NRXN3: variants seen among roughly 807,000 people sequenced by gnomAD.
The protein encoded by NRXN3 is neurexin III.
A neutral mutation model predicts 137.6 loss-of-function variants in NRXN3; 32 were observed. The ratio of observed to expected loss-of-function variants is 0.23; its 90% CI spans 0.18 to 0.31. NRXN3 has a LOEUF of 0.31. Among genes scored for constraint, NRXN3 ranks in the 10% least tolerant of loss-of-function variants. The pLI, the probability that NRXN3 is intolerant of heterozygous loss-of-function variation, is 1.00. For synonymous variants in NRXN3, 798 were observed against 784.5 expected (o/e 1.02, Z -0.29); for missense variants, 1,574 against 2,062.5 (o/e 0.76, Z 4.59).
At chr14:78,268,933 A>G (rs2072262819) in intron 2 of NRXN3, among the ~76,000 whole-genome samples, 2 of 152,308 alleles carry the variant, frequency 1.3e-5, no homozygotes, top group South Asian at 2.1e-4. Context: ...GGATCCCACT[A>G]AAACCTTTTT....
intron 15 of NRXN3, among the ~76,000 whole-genome samples, chr14:79,252,605 C>T (rs1258188593): frequency 1.3e-5 from 2 of 152,124 alleles, no homozygotes; most frequent in African/African-American, 4.8e-5. Context: ...AGGGATAGTA[C>T]TTTAGAAACT....
chr14:78,912,921 G>T (rs934791490), intron 10 of NRXN3, among the ~76,000 whole-genome samples: 1 of 152,134 alleles, frequency 6.6e-6, no homozygotes, highest in African/African-American at 2.4e-5. Context: ...TTTATTGGAT[G>T]TCTCTAGTGT....
At chr14:79,609,346 C>T (rs780055955) in intron 16 of NRXN3, among the ~76,000 whole-genome samples, 16 of 152,118 alleles carry the variant, frequency 1.1e-4, no homozygotes, top group Non-Finnish European at 1.9e-4. Flanking sequence ...AGAGAAAACC[C>T]GGATACAGGG....
At position 79,008,236 on chromosome 14, in the gene NRXN3, T is replaced by A. The variant is rs531223930; in HGVS notation, c.3262+20095T>A. Among the ~76,000 whole-genome samples, 55 of 152,308 alleles carry A rather than the reference T, an allele frequency of 3.6e-4. 1 individual carries two copies. Among genetic ancestry groups the A allele is most frequent in the African/African-American group, 1.3e-3 (52 of 41,580 alleles). On this transcript the variant is annotated intron_variant, in intron 15 of 20. Transcript: ENST00000335750. Reference sequence around the variant, plus strand: ...AGGACAAAAAGCAGCAGCACATTACTTTTTTAAAAGCCCAATTCAATTTTA... The same window carrying A: ...AGGACAAAAAGCAGCAGCACATTACATTTTTAAAAGCCCAATTCAATTTTA...
intron 15 of NRXN3, among the ~76,000 whole-genome samples, chr14:79,309,005 T>C (rs2086689949): frequency 1.5e-5 from 2 of 131,366 alleles, no homozygotes; most frequent in African/African-American, 2.9e-5. Flanking sequence ...TATGTATACA[T>C]GTGCCATGCT....
intron 15 of NRXN3, among the ~76,000 whole-genome samples, chr14:79,018,704 C>T (rs1414529425): frequency 6.6e-6 from 1 of 152,108 alleles, no homozygotes; most frequent in East Asian, 1.9e-4. Flanking sequence ...TTCTATGATT[C>T]TTTTTCTCTT....
intron 8 of NRXN3, among the ~76,000 whole-genome samples, chr14:78,771,053 T>C (rs1239788358): frequency 6.6e-6 from 1 of 152,166 alleles, no homozygotes; most frequent in Non-Finnish European, 1.5e-5. Context: ...CTTATTTTAG[T>C]CTCCTGGACT....
At chr14:78,716,830 G>C (rs1595102935) in intron 8 of NRXN3, among the ~76,000 whole-genome samples, 1 of 152,164 alleles carries the variant, frequency 6.6e-6, no homozygotes, top group Non-Finnish European at 1.5e-5. Context: ...CTTTCTTGGA[G>C]CATATGGAAT....
At position 78,310,749 on chromosome 14, in the gene NRXN3, T is replaced by A. The variant is rs144177048; in HGVS notation, c.757+12889T>A. On this transcript the variant is annotated intron_variant, in intron 4 of 20. Coordinates refer to ENST00000335750, the MANE Select transcript of NRXN3 (RefSeq NM_001330195.2). The stretch of plus-strand genomic sequence containing the variant: ...CAGAATGCTGGGGAATAAAACATGG[T>A]GGGTTAGAGTACTGATGTTAGTGTT... 4.9e-4 allele frequency among the ~76,000 whole-genome samples: 75 copies of A among 152,074 alleles called. 1 individual carries two copies. The East Asian group carries it at 0.01, about 21-fold the overall frequency.
At position 78,446,043 on chromosome 14, in the gene NRXN3, G is replaced by A. The variant is rs552067685; in HGVS notation, c.757+148183G>A. Reference sequence around the variant, plus strand: ...GGCATAGACCCCATGCCCATTGCTGGCCTATGGCAAGGCACAGCAAGCTTG... The same window carrying A: ...GGCATAGACCCCATGCCCATTGCTGACCTATGGCAAGGCACAGCAAGCTTG... On this transcript the variant is annotated intron_variant, in intron 4 of 20. Transcript: ENST00000335750. Among the ~76,000 whole-genome samples, 4 of 152,250 alleles carry A rather than the reference G, an allele frequency of 2.6e-5. No individual in the cohort carries two copies. The South Asian group carries it at 8.3e-4, about 32-fold the overall frequency.
intron 15 of NRXN3, among the ~76,000 whole-genome samples, chr14:79,291,239 TCTA>T (rs2083143114): frequency 6.6e-6 from 1 of 152,196 alleles, no homozygotes; most frequent in Admixed American, 6.5e-5. Context: ...GACAATAACA[TCTA>T]CTTTGGTTTT....
rs144791023 is a variant in NRXN3, at chr14:78,805,645, A to T, written c.2248+1822A>T. On this transcript the variant is annotated intron_variant, in intron 9 of 20. Transcript: ENST00000335750. The stretch of plus-strand genomic sequence containing the variant: ...CCAAATACAACCCCATAACTAGCTC[A>T]CTGAAAAAGATGATGAAGACAATTT... Among the ~76,000 whole-genome samples the T allele has an allele frequency of 2.0e-5, 3 of 152,130 alleles. No individual in the cohort carries two copies. In the East Asian group the frequency reaches 5.8e-4, roughly 29 times the overall value.
At chr14:78,574,292 G>A (rs1228490795) in intron 4 of NRXN3, among the ~76,000 whole-genome samples, 1 of 152,226 alleles carries the variant, frequency 6.6e-6, no homozygotes, top group Non-Finnish European at 1.5e-5. Context: ...CCCCACTGGG[G>A]CACTGCCTAG....
intron 15 of NRXN3, among the ~76,000 whole-genome samples, chr14:79,298,610 C>T (rs2084605979): frequency 6.6e-6 from 1 of 152,044 alleles, no homozygotes; most frequent in African/African-American, 2.4e-5. Flanking sequence ...CAATAAGAAG[C>T]AACGTAATCT....
chr14:78,563,626 C>T (rs980414437), intron 4 of NRXN3, among the ~76,000 whole-genome samples: 4 of 152,168 alleles, frequency 2.6e-5, no homozygotes, highest in Admixed American at 2.6e-4. Context: ...TTTAATGAGA[C>T]CTACTGAGAT....
intron 6 of NRXN3, among the ~76,000 whole-genome samples, chr14:78,662,912 A>G (rs1194679407): frequency 6.6e-6 from 1 of 152,218 alleles, no homozygotes. Flanking sequence ...CACAGCAATT[A>G]TAATCATAGC....
intron 4 of NRXN3, among the ~76,000 whole-genome samples, chr14:78,435,190 T>G (rs990366993): frequency 5.3e-5 from 8 of 152,208 alleles, no homozygotes; most frequent in Non-Finnish European, 8.8e-5. Flanking sequence ...AGAAATGCAT[T>G]TCTATCTGGT....
At chr14:78,291,488 T>A (rs2075799276) in intron 3 of NRXN3, among the ~76,000 whole-genome samples, 1 of 152,194 alleles carries the variant, frequency 6.6e-6, no homozygotes, top group Non-Finnish European at 1.5e-5. Context: ...TCCCAGGTCA[T>A]TTTTGGGAGG....
chr14:79,583,691 C>A (rs753487948), intron 16 of NRXN3, among the ~76,000 whole-genome samples: 1 of 152,094 alleles, frequency 6.6e-6, no homozygotes, highest in Non-Finnish European at 1.5e-5. Flanking sequence ...TTATTAAAAA[C>A]TGTTTATGTT....
Sources: allele counts gnomAD v4.1 joint callset (sites outside exome capture counted in the v4.1 genomes callset), GRCh38; gene constraint gnomAD v4.1.1; transcripts MANE v1.5; gene names NCBI Gene and HGNC (gene_info 2026-07-23, HGNC 2026-07-21).